PBX3: variants seen among roughly 807,000 people sequenced by gnomAD.
PBX3 encodes the protein PBX homeobox 3.
A neutral mutation model predicts 48.5 loss-of-function variants in PBX3; 14 were observed. The observed-to-expected ratio is 0.29, with a 90% CI of 0.19 to 0.45. PBX3 has a LOEUF of 0.45. Among genes scored for constraint, PBX3 ranks in the 20% least tolerant of loss-of-function variants. The pLI is 1.00. For missense variants in PBX3, 386 were observed against 546.7 expected (o/e 0.71, Z 2.93); for synonymous variants, 210 against 200.3 (o/e 1.05, Z -0.41).
At chr9:125,921,416 G>T (rs1431773753) in intron 3 of PBX3, among the ~76,000 whole-genome samples, 1 of 151,964 alleles carries the variant, frequency 6.6e-6, no homozygotes, top group Non-Finnish European at 1.5e-5. Context: ...GGACTTGCTT[G>T]CAGAGTAATG....
At chr9:125,822,628 A>C (rs1335428866) in intron 2 of PBX3, among the ~76,000 whole-genome samples, 3 of 152,150 alleles carry the variant, frequency 2.0e-5, no homozygotes, top group Non-Finnish European at 4.4e-5. Context: ...ATTTTTATAA[A>C]CATTTTTTTC....
intron 2 of PBX3, among the ~76,000 whole-genome samples, chr9:125,876,452 A>T (rs1178675983): frequency 6.6e-6 from 1 of 152,146 alleles, no homozygotes; most frequent in African/African-American, 2.4e-5. Context: ...CAATGCGGAG[A>T]TGAGGATGAA....
At chr9:125,771,167 C>T (rs1276287034) in intron 2 of PBX3, among the ~76,000 whole-genome samples, 2 of 152,144 alleles carry the variant, frequency 1.3e-5, no homozygotes, top group African/African-American at 4.8e-5. Context: ...GTGCATATTT[C>T]ATTACTTAAT....
chr9:125,881,643 G>A (rs955793421), intron 2 of PBX3, among the ~76,000 whole-genome samples: 2 of 151,844 alleles, frequency 1.3e-5, no homozygotes, highest in African/African-American at 4.8e-5. Context: ...AATAGAGACA[G>A]GGTCTTGCTC....
At chr9:125,931,926 T>C (rs1158620967) in intron 4 of PBX3, among the ~76,000 whole-genome samples, 1 of 152,254 alleles carries the variant, frequency 6.6e-6, no homozygotes. Flanking sequence ...TCTTTAGGAT[T>C]ATTTCCTAAG....
chr9:125,811,093 T>C (rs1438037077), intron 2 of PBX3, among the ~76,000 whole-genome samples: 1 of 152,174 alleles, frequency 6.6e-6, no homozygotes, highest in East Asian at 1.9e-4. Context: ...TTTAAATCCA[T>C]ATTTAGAAGG....
At chr9:125,835,820 T>C (rs760488424) in intron 2 of PBX3, among the ~76,000 whole-genome samples, 9 of 152,128 alleles carry the variant, frequency 5.9e-5, no homozygotes, top group Non-Finnish European at 1.2e-4. Flanking sequence ...AATAGAACTA[T>C]GATATGATCT....
chr9:125,846,307 A>G (rs939695105), intron 2 of PBX3, among the ~76,000 whole-genome samples: 8 of 152,076 alleles, frequency 5.3e-5, no homozygotes, highest in African/African-American at 1.9e-4. Flanking sequence ...TTGCCAAAAT[A>G]TGGTTGCTGG....
chr9:125,906,091 C>T (rs1273081029), intron 2 of PBX3, among the ~76,000 whole-genome samples: 1 of 151,916 alleles, frequency 6.6e-6, no homozygotes, highest in African/African-American at 2.4e-5. Flanking sequence ...ATATAGAAGC[C>T]ATTTTTAGTC....
At chr9:125,826,121 G>C (rs1228645092) in intron 2 of PBX3, among the ~76,000 whole-genome samples, 1 of 152,146 alleles carries the variant, frequency 6.6e-6, no homozygotes, top group Admixed American at 6.5e-5. Flanking sequence ...AAAATTGCCT[G>C]TAGTGAATAG....
chr9:125,871,373 T>G (rs1840120304), intron 2 of PBX3, among the ~76,000 whole-genome samples: 1 of 120,828 alleles, frequency 8.3e-6, no homozygotes, highest in East Asian at 2.3e-4. Context: ...AGTGCAAGAC[T>G]CCGTCTCAAA....
intron 2 of PBX3, among the ~76,000 whole-genome samples, chr9:125,863,007 C>T (rs1839898776): frequency 6.6e-6 from 1 of 151,964 alleles, no homozygotes; most frequent in Non-Finnish European, 1.5e-5. Flanking sequence ...TAGTGATCCT[C>T]CCACCTCAGC....
At chr9:125,821,756 C>G (rs1183481511) in intron 2 of PBX3, among the ~76,000 whole-genome samples, 1 of 152,116 alleles carries the variant, frequency 6.6e-6, no homozygotes, top group Non-Finnish European at 1.5e-5. Context: ...TTGAAATTAG[C>G]TCTGTCCACT....
At chr9:125,849,444 T>A (rs1366959053) in intron 2 of PBX3, among the ~76,000 whole-genome samples, 1 of 151,828 alleles carries the variant, frequency 6.6e-6, no homozygotes, top group East Asian at 1.9e-4. Flanking sequence ...CAAAGTGACT[T>A]GAAGTGCTAT....
chr9:125,789,365 A>G lies in PBX3; in HGVS notation c.274+40742A>G, dbSNP rs773209041. On this transcript the variant is annotated intron_variant, in intron 2 of 8. Transcript: ENST00000373489. ...TTTAGTTTCTCACAAGATTTCAGTCAGGTGACAGTGGGCTGCAGTTATCTT... is the reference window on the plus strand; with the variant it reads ...TTTAGTTTCTCACAAGATTTCAGTCGGGTGACAGTGGGCTGCAGTTATCTT... Among the ~76,000 whole-genome samples the G allele has an allele frequency of 3.9e-5, 6 of 152,226 alleles. No homozygotes were observed. In the South Asian group the frequency reaches 6.2e-4, roughly 16 times the overall value.
At chr9:125,942,954 GA>G (rs1395275400) in intron 5 of PBX3, among the ~76,000 whole-genome samples, 1 of 152,206 alleles carries the variant, frequency 6.6e-6, no homozygotes, top group East Asian at 1.9e-4. Context: ...TCAGTACCAT[GA>G]TTGGTGTGGT....
intron 2 of PBX3, among the ~76,000 whole-genome samples, chr9:125,755,605 A>AT (rs1236392346): frequency 6.6e-6 from 1 of 150,672 alleles, no homozygotes; most frequent in Non-Finnish European, 1.5e-5. Flanking sequence ...AAGAAATGAG[A>AT]TTAAGTGGCA....
At chr9:125,823,005 G>A (rs1244733758) in intron 2 of PBX3, among the ~76,000 whole-genome samples, 5 of 150,904 alleles carry the variant, frequency 3.3e-5, no homozygotes, top group African/African-American at 1.2e-4. Context: ...AAAGATGTGA[G>A]TTTTACTTTG....
Position 125,960,755 on chromosome 9 carries a change from C to T in PBX3, c.915C>T (p.Asn305=), listed in dbSNP as rs374198859. 48 of 1,614,232 alleles carry T rather than the reference C, an allele frequency of 3.0e-5. No individual in the cohort carries two copies. Among genetic ancestry groups the T allele is most frequent in the Non-Finnish European group, 4.1e-5 (48 of 1,180,032 alleles). Residue 305 remains asparagine, a synonymous_variant, in exon 6 of 9, where the codon AAC becomes AAT. Coordinates refer to ENST00000373489, the MANE Select transcript of PBX3 (RefSeq NM_006195.6). ...KNIGKFQEEA[N]LYAAKTAVTA... The stretch of plus-strand genomic sequence containing the variant: ...TTGGCAAGTTTCAGGAAGAAGCCAA[C>T]CTCTATGCTGCAAAGACGGCCGTGA...
Sources: gnomAD v4.1 joint callset for allele counts (sites outside exome capture counted in the v4.1 genomes callset) on GRCh38, gnomAD v4.1.1 for gene constraint, MANE v1.5 for transcripts, NCBI Gene and HGNC (gene_info 2026-07-23, HGNC 2026-07-21) for gene names.